LBP: variants seen among roughly 807,000 people sequenced by gnomAD.
LBP encodes the protein lipopolysaccharide binding protein.
LBP carries 53 observed loss-of-function variants against 56.6 expected under a neutral mutation model. That is an observed-to-expected ratio of 0.94 (90% CI 0.75 to 1.18). The LOEUF (loss-of-function observed/expected upper bound fraction) is 1.18, where lower values mean the gene tolerates loss of function less well. Ranked by LOEUF, LBP falls within the 50% of genes most tolerant of loss-of-function variation. The pLI is 0.00. For missense variants in LBP, 601 were observed against 598.3 expected (o/e 1.00, Z -0.05); for synonymous variants, 227 against 247.5 (o/e 0.92, Z 0.78).
chr20:38,368,969 A>T, intron 9 of LBP, 26 bp from the exon 10 acceptor site: 1 of 1,611,354 alleles, frequency 6.2e-7, no homozygotes, highest in South Asian at 1.1e-5. Context: ...TCTTCTCTTG[A>T]TGTAATCTCC....
intron 11 of LBP, 85 bp from the exon 12 acceptor site, chr20:38,371,195 C>T (rs1479758382): frequency 2.8e-6 from 3 of 1,073,624 alleles, no homozygotes; most frequent in Non-Finnish European, 2.8e-6. Flanking sequence ...CTTCTCAAGC[C>T]CATCCTTTCT....
chr20:38,374,784 C>CT (rs587732305), intron 14 of LBP, among the ~76,000 whole-genome samples: 53,832 of 121,166 alleles, frequency 0.44, 13,038 homozygotes, highest in African/African-American at 0.48. Flanking sequence ...ACCATATATA[C>CT]TTTTTTTTTT....
chr20:38,365,729 T>C (rs1481502076), intron 8 of LBP, among the ~76,000 whole-genome samples: 6 of 143,166 alleles, frequency 4.2e-5, no homozygotes, highest in African/African-American at 7.6e-5. Flanking sequence ...TATATATATA[T>C]ATATATATAT....
intron 14 of LBP, among the ~76,000 whole-genome samples, chr20:38,374,950 A>ATTTT (rs370110558): frequency 7.9e-6 from 1 of 127,146 alleles, no homozygotes; most frequent in African/African-American, 3.1e-5. Flanking sequence ...CTCCCAGCTA[A>ATTTT]TTTTTTTTTT....
intron 6 of LBP, among the ~76,000 whole-genome samples, chr20:38,362,759 G>A (rs533386729): frequency 1.3e-5 from 2 of 151,804 alleles, no homozygotes; most frequent in African/African-American, 4.8e-5. Flanking sequence ...GCCAGCCCGG[G>A]CAACATAGCG....
At chr20:38,359,598 CAA>C (rs111643275) in intron 5 of LBP, among the ~76,000 whole-genome samples, 2,780 of 146,846 alleles carry the variant, frequency 0.019, 95 homozygotes, top group African/African-American at 0.063. Flanking sequence ...CAAACAACAA[CAA>C]AAAAAAAAAC....
At chr20:38,374,636 T>C (rs1196312967) in intron 14 of LBP, among the ~76,000 whole-genome samples, 1 of 151,118 alleles carries the variant, frequency 6.6e-6, no homozygotes, top group Admixed American at 6.6e-5. Flanking sequence ...AAGAAAATAC[T>C]GTAAGTCCTA....
chr20:38,368,247 G>T (rs1385023320), intron 9 of LBP, among the ~76,000 whole-genome samples: 2 of 151,990 alleles, frequency 1.3e-5, no homozygotes, highest in Admixed American at 6.6e-5. Context: ...GGTAGGGAGG[G>T]AGAAAAAATG....
chr20:38,357,901 C>G (rs1195234528), intron 5 of LBP, among the ~76,000 whole-genome samples: 2 of 152,194 alleles, frequency 1.3e-5, no homozygotes, highest in Non-Finnish European at 2.9e-5. Flanking sequence ...TGTCTTTTAG[C>G]ATGCCAATGT....
intron 3 of LBP, among the ~76,000 whole-genome samples, chr20:38,353,405 C>T (rs2076827190): frequency 6.6e-6 from 1 of 150,432 alleles, no homozygotes; most frequent in Non-Finnish European, 1.5e-5. Context: ...CCCCATTGTT[C>T]TCAAAGGCTG....
chr20:38,363,109 G>A (rs2076867386), intron 6 of LBP, among the ~76,000 whole-genome samples: 2 of 152,142 alleles, frequency 1.3e-5, no homozygotes, highest in Admixed American at 6.5e-5. Context: ...GGGGTGTTCA[G>A]TTTTAGGCCA....
intron 9 of LBP, among the ~76,000 whole-genome samples, chr20:38,367,436 A>G (rs2076886165): frequency 6.6e-6 from 1 of 152,244 alleles, no homozygotes; most frequent in Non-Finnish European, 1.5e-5. Flanking sequence ...CCTGGGCAAC[A>G]GAGTGAGACC....
At chr20:38,370,272 G>C (rs1163458894) in intron 10 of LBP, among the ~76,000 whole-genome samples, 3 of 151,976 alleles carry the variant, frequency 2.0e-5, no homozygotes, top group Admixed American at 1.3e-4. Flanking sequence ...TCTACTCAGG[G>C]GGTTGATGTG....
chr20:38,371,853 A>G (rs1269229695), intron 12 of LBP, among the ~76,000 whole-genome samples: 1 of 152,190 alleles, frequency 6.6e-6, no homozygotes, highest in Admixed American at 6.5e-5. Flanking sequence ...GCTAGCTCTC[A>G]TTGGACTAAT....
chr20:38,360,939 G>C (rs2076858009), intron 6 of LBP, among the ~76,000 whole-genome samples, 172 bp downstream of exon 6: 1 of 152,144 alleles, frequency 6.6e-6, no homozygotes. Context: ...GAGGCGGGTG[G>C]ATCACCTGAG....
chr20:38,356,233 A>G (rs1164942399), intron 5 of LBP, among the ~76,000 whole-genome samples: 1 of 8,244 alleles, frequency 1.2e-4, no homozygotes, highest in Non-Finnish European at 2.5e-4. Context: ...CCCCACACAC[A>G]CACCCTACAC....
At position 38,376,740 on chromosome 20, in the gene LBP, T is replaced by A. The variant is rs904389151; in HGVS notation, c.*71T>A. On this transcript the variant is annotated 3_prime_UTR_variant, in exon 15 of 15. Coordinates refer to ENST00000217407, the MANE Select transcript of LBP (RefSeq NM_004139.5). ...TGCATTTCCAGCTGTGCAGCACGTCTCAGAGATTCTTGAAGAATGAAGACA... is the reference window on the plus strand; with the variant it reads ...TGCATTTCCAGCTGTGCAGCACGTCACAGAGATTCTTGAAGAATGAAGACA... 80 of 1,425,782 alleles carry A rather than the reference T, an allele frequency of 5.6e-5. No individual in the cohort carries two copies. Among genetic ancestry groups the A allele is most frequent in the Non-Finnish European group, 7.2e-5 (73 of 1,010,660 alleles). 88.3% of individuals were successfully genotyped at this position (1,425,782 alleles called of 1,614,324 possible).
chr20:38,370,595 G>A (rs2122624917), intron 10 of LBP, 143 bp from the exon 11 acceptor site: 2 of 695,472 alleles, frequency 2.9e-6, no homozygotes, highest in Admixed American at 2.2e-5. Context: ...AGCCTTCTGG[G>A]AGTCTATGAT....
At position 38,363,857 on chromosome 20, in the gene LBP, C is replaced by G. The variant is rs751664064; in HGVS notation, c.653-118C>G. 6 of 722,762 alleles carry G rather than the reference C, an allele frequency of 8.3e-6. No homozygotes were observed. The Admixed American group carries it at 1.3e-4, about 16-fold the overall frequency. The allele number at this position is 722,762 out of a possible 1,614,324, so 44.8% of individuals were successfully genotyped here. A position where few individuals can be genotyped will look rare whatever the true frequency, so the allele number is the denominator to read the frequency against. ...AGCAATTCTTTGCCTCAGGGCCGGG[C>G]TAGTAGGGGGATTCTGAAGAAAGTC... On this transcript the variant is annotated intron_variant, in intron 6 of 14. Coordinates refer to ENST00000217407, the MANE Select transcript of LBP (RefSeq NM_004139.5).
Sources: gnomAD v4.1 joint callset for allele counts (sites outside exome capture counted in the v4.1 genomes callset) on GRCh38, gnomAD v4.1.1 for gene constraint, MANE v1.5 for transcripts, NCBI Gene and HGNC (gene_info 2026-07-23, HGNC 2026-07-21) for gene names.